TMPRSS15: variants seen among roughly 807,000 people sequenced by gnomAD.
The protein encoded by TMPRSS15 is transmembrane serine protease 15, also known as enteropeptidase.
Under a neutral mutation model 125.3 loss-of-function variants are expected in TMPRSS15, and 128 were observed. The observed-to-expected ratio is 1.02, with a 90% CI of 0.89 to 1.18. The LOEUF (loss-of-function observed/expected upper bound fraction) is 1.18. TMPRSS15 is among the 50% of genes most tolerant of loss of function. The pLI, the probability that TMPRSS15 is intolerant of heterozygous loss-of-function variation, is 0.00. For synonymous variants in TMPRSS15, 446 were observed against 423.2 expected (o/e 1.05, Z -0.66); for missense variants, 1,283 against 1,212.7 (o/e 1.06, Z -0.86).
At chr21:18,358,954 A>C (rs533365242) in intron 8 of TMPRSS15, among the ~76,000 whole-genome samples, 21 of 152,212 alleles carry the variant, frequency 1.4e-4, no homozygotes, top group African/African-American at 4.8e-4. Flanking sequence ...TATTATATAA[A>C]ATTTAATCAC....
chr21:18,468,859 CCT>C (rs946668274), intron 1 of TMPRSS15, among the ~76,000 whole-genome samples: 3 of 152,028 alleles, frequency 2.0e-5, no homozygotes, highest in African/African-American at 7.2e-5. Flanking sequence ...CAAGCTGCAC[CCT>C]GTTAGGTTTC....
At chr21:18,309,524 T>C (rs2146929883) in intron 18 of TMPRSS15, among the ~76,000 whole-genome samples, 1 of 152,196 alleles carries the variant, frequency 6.6e-6, no homozygotes, top group East Asian at 1.9e-4. Flanking sequence ...AAAGGGCTAA[T>C]ATCCAGTATC....
intron 18 of TMPRSS15, among the ~76,000 whole-genome samples, chr21:18,298,111 T>C (rs2074927319): frequency 6.6e-6 from 1 of 152,330 alleles, no homozygotes; most frequent in South Asian, 2.1e-4. Flanking sequence ...GTTAAATCAT[T>C]ACATATATCA....
intron 21 of TMPRSS15, among the ~76,000 whole-genome samples, chr21:18,282,097 C>CAAACA (rs1568980545): frequency 1.2e-4 from 3 of 24,960 alleles, no homozygotes; most frequent in Non-Finnish European, 2.0e-4. Context: ...GACTCCGCCT[C>CAAACA]AAAAAAAAAA....
chr21:18,323,011 G>A (rs1425250202), intron 16 of TMPRSS15, among the ~76,000 whole-genome samples: 2 of 152,240 alleles, frequency 1.3e-5, no homozygotes, highest in Non-Finnish European at 2.9e-5. Flanking sequence ...TAATTATTAT[G>A]AGTCCATAAA....
intron 1 of TMPRSS15, among the ~76,000 whole-genome samples, chr21:18,452,402 G>A (rs180866332): frequency 1.3e-3 from 192 of 152,256 alleles, no homozygotes; most frequent in African/African-American, 4.5e-3. Context: ...GGCAGCTCAC[G>A]CCTGTAATCC....
At chr21:18,353,886 G>A (rs769706176) in intron 8 of TMPRSS15, 23 bp from the exon 9 acceptor site, 2 of 1,597,176 alleles carry the variant, frequency 1.3e-6, no homozygotes, top group Admixed American at 3.3e-5. Context: ...ATAAACAACT[G>A]TTATATGTAT....
At chr21:18,471,745 C>A (rs1978784860) in intron 1 of TMPRSS15, among the ~76,000 whole-genome samples, 2 of 152,200 alleles carry the variant, frequency 1.3e-5, no homozygotes, top group African/African-American at 4.8e-5. Flanking sequence ...TAGGCAAAAT[C>A]AATGCAAAAA....
chr21:18,431,784 G>A (rs2824826), intron 1 of TMPRSS15, among the ~76,000 whole-genome samples: 58,570 of 151,714 alleles, frequency 0.39, 12,015 homozygotes, highest in Middle Eastern at 0.48. Context: ...TTATCTATGC[G>A]ATCAAAAATG....
At chr21:18,408,676 A>C (rs530213371), upstream of TMPRSS15, among the ~76,000 whole-genome samples, 88 of 152,244 alleles carry the variant, frequency 5.8e-4, no homozygotes, top group African/African-American at 2.0e-3. Context: ...GGTCATCTTT[A>C]TTCACACACA....
chr21:18,442,373 A>G (rs76009427), intron 1 of TMPRSS15, among the ~76,000 whole-genome samples: 1,632 of 152,260 alleles, frequency 0.011, 38 homozygotes, highest in African/African-American at 0.036. Flanking sequence ...CCACATTGCT[A>G]TTTGTGTAAA....
chr21:18,446,528 C>T (rs2076256114), intron 1 of TMPRSS15, among the ~76,000 whole-genome samples: 2 of 152,134 alleles, frequency 1.3e-5, no homozygotes, highest in South Asian at 2.1e-4. Flanking sequence ...CTAGAAGCAA[C>T]ATACTACCTG....
chr21:18,269,912 C>G lies in TMPRSS15; in HGVS notation c.*57G>C, dbSNP rs2074533248. The G allele has an allele frequency of 1.9e-6, 3 of 1,598,534 alleles. No individual in the cohort carries two copies. The African/African-American group carries it at 4.0e-5, about 21-fold the overall frequency. ...TTGTACGAAACACTTAATTTCCATG[C>G]TTTCTAGAGTAGAATGGGAAAATAA... is the stretch of plus-strand genomic sequence containing the variant. On this transcript the variant is annotated 3_prime_UTR_variant, in exon 25 of 25. Transcript: ENST00000284885.
rs377055842 is a variant in TMPRSS15 at position 18,294,323 on chromosome 21, G to C, written c.2433C>G (p.Gly811=). ...GCCAGTCACTGCTGACGAGAGATGC[G>C]CCGCAGAGCAGTCGGCCGCCATAAT... is the stretch of plus-strand genomic sequence containing the variant. ...GLYYGGRLLC[G]ASLVSSDWLV... Residue 811 remains glycine (G), a synonymous_variant, in exon 21 of 25, where the codon GGC becomes GGG. Coordinates refer to ENST00000284885, the MANE Select transcript of TMPRSS15 (RefSeq NM_002772.3). 1 of 1,614,098 alleles carries C rather than the reference G, an allele frequency of 6.2e-7. No individual in the cohort carries two copies. The highest frequency in any genetic ancestry group is 2.2e-5 in the East Asian group (1 of 44,890).
chr21:18,313,117 G>A, intron 17 of TMPRSS15, 40 bp from the exon 18 acceptor site: 2 of 1,426,508 alleles, frequency 1.4e-6, no homozygotes, highest in South Asian at 2.3e-5. Flanking sequence ...ACCAGAGACT[G>A]AAGGGTGCGG....
rs77090664 is a variant in TMPRSS15, at chr21:18,329,260, A to G, written c.1689T>C (p.Asn563=). The G allele has an allele frequency of 7.4e-4, 1,190 of 1,612,046 alleles. 9 individuals are homozygous for G. In the African/African-American group the frequency reaches 0.015, roughly 20 times the overall value. Residue 563 remains asparagine, a synonymous_variant, in exon 15 of 25, where the codon AAT becomes AAC. Transcript: ENST00000284885. ...CAAATTCTTGAAAATGAAGTTGTAT[A>G]TTCTTTCCTTTTTGTGCATTTAAAA... ...VWILNAQKGK[N]IQLHFQEFDL...
At chr21:18,278,248 T>C (rs113040258) in intron 23 of TMPRSS15, among the ~76,000 whole-genome samples, 1 of 152,156 alleles carries the variant, frequency 6.6e-6, no homozygotes, top group Non-Finnish European at 1.5e-5. Flanking sequence ...ATCATGTGCT[T>C]TACAAAAATA....
chr21:18,485,169 A>G (rs1979055597), intron 1 of TMPRSS15, among the ~76,000 whole-genome samples: 1 of 152,022 alleles, frequency 6.6e-6, no homozygotes, highest in Non-Finnish European at 1.5e-5. Flanking sequence ...TGTAATTGGT[A>G]AACAAAATGA....
At chr21:18,395,441 A>G (rs948317264) in intron 3 of TMPRSS15, among the ~76,000 whole-genome samples, 1 of 152,206 alleles carries the variant, frequency 6.6e-6, no homozygotes, top group Non-Finnish European at 1.5e-5. Context: ...TAGTGAGGAA[A>G]GCATTAGGTG....
Sources: gnomAD v4.1 joint callset for allele counts (sites outside exome capture counted in the v4.1 genomes callset) on GRCh38, gnomAD v4.1.1 for gene constraint, MANE v1.5 for transcripts, NCBI Gene and HGNC (gene_info 2026-07-23, HGNC 2026-07-21) for gene names.